The following PNPLA1 variants were observed in gnomAD, a reference collection of about 807,000 sequenced individuals.
PNPLA1 encodes the protein patatin like domain 1, omega-hydroxyceramide transacylase, also known as omega-hydroxyceramide transacylase.
PNPLA1 carries 36 observed loss-of-function variants against 51.7 expected under a neutral mutation model. The observed-to-expected ratio is 0.70, with a 90% CI of 0.53 to 0.92. PNPLA1 has a LOEUF of 0.92. PNPLA1 is among the 40% of genes least tolerant of loss of function. The pLI, the probability that PNPLA1 is intolerant of heterozygous loss-of-function variation, is 0.00. For missense variants in PNPLA1, 658 were observed against 682.5 expected, an observed-to-expected ratio of 0.96 and a Z score of 0.40; for synonymous variants, 293 against 280.1, an observed-to-expected ratio of 1.05 and a Z score of -0.46.
rs1329688003 is a variant in PNPLA1 at position 36,313,250 on chromosome 6, C to T, written c.*1364C>T. Among the ~76,000 whole-genome samples the T allele has an allele frequency of 6.6e-6, 1 of 152,134 alleles. No homozygotes were observed. The highest frequency in any genetic ancestry group is 2.4e-5 in the African/African-American group (1 of 41,418). ...TGTTCACACCTCAGTGAAAATGTTC[C>T]GTGAGGAGGACAACTTCAGCCTCAA... is the stretch of plus-strand genomic sequence containing the variant. On this transcript the variant is annotated 3_prime_UTR_variant, in exon 9 of 9. Transcript: ENST00000636260.
intron 1 of PNPLA1, among the ~76,000 whole-genome samples, chr6:36,260,178 C>T (rs1466036392): frequency 7.2e-5 from 11 of 151,958 alleles, no homozygotes; most frequent in Admixed American, 7.2e-4. Context: ...GTAGTCCTAG[C>T]TACTAGGAGG....
At chr6:36,248,873 A>G (rs1321596665) in intron 1 of PNPLA1, among the ~76,000 whole-genome samples, 1 of 152,218 alleles carries the variant, frequency 6.6e-6, no homozygotes, top group Non-Finnish European at 1.5e-5. Context: ...CCTATTGAGA[A>G]GAACTTCATC....
rs148922973 is a variant in PNPLA1 at position 36,302,025 on chromosome 6, T to G, written c.940T>G (p.Trp314Gly). 6.2e-7 allele frequency: 1 copy of G among 1,613,496 alleles called. No homozygotes were observed. The highest frequency in any genetic ancestry group is 8.5e-7 in the Non-Finnish European group (1 of 1,179,914). Residue 314 changes from tryptophan to glycine, a missense_variant, in exon 6 of 9, where the codon TGG becomes GGG. Coordinates refer to ENST00000636260, the MANE Select transcript of PNPLA1 (RefSeq NM_001374623.1). ...LEGATQPHKEWVPKGDGRGSH... is the reference protein window; with the variant it reads ...LEGATQPHKEGVPKGDGRGSH... Reference sequence around the variant, plus strand: ...AGGAGCCACACAACCTCACAAGGAGTGGGTTCCCAAAGGGGATGGAAGGGG... The same window carrying G: ...AGGAGCCACACAACCTCACAAGGAGGGGGTTCCCAAAGGGGATGGAAGGGG...
At chr6:36,310,520 C>G (rs1241580841) in intron 8 of PNPLA1, among the ~76,000 whole-genome samples, 2 of 152,154 alleles carry the variant, frequency 1.3e-5, no homozygotes, top group Non-Finnish European at 2.9e-5. Flanking sequence ...CATAAAAGAT[C>G]CTTTTCTTTG....
chr6:36,310,072 TAGTC>T (rs1771353643), intron 8 of PNPLA1, among the ~76,000 whole-genome samples: 1 of 152,210 alleles, frequency 6.6e-6, no homozygotes, highest in Admixed American at 6.5e-5. Flanking sequence ...CAAACTGTAT[TAGTC>T]AGTTGTTGCT....
rs1358671378 is a variant in PNPLA1 at position 36,270,607 on chromosome 6, G to T, written c.148G>T (p.Ala50Ser). 7 of 1,551,654 alleles carry T rather than the reference G, an allele frequency of 4.5e-6. No individual in the cohort carries two copies. Among genetic ancestry groups the T allele is most frequent in the Non-Finnish European group, 6.1e-6 (7 of 1,147,006 alleles). ...PRMLETAHRF[A>S]GTSAGAVIAA... is the part of the protein sequence containing the mutation. Reference sequence around the variant, plus strand: ...GATGCTGGAAACAGCCCACCGCTTTGCGGGGACATCGGCAGGTGCTGTGAT... The same window carrying T: ...GATGCTGGAAACAGCCCACCGCTTTTCGGGGACATCGGCAGGTGCTGTGAT... Residue 50 changes from alanine to serine, a missense_variant, in exon 1 of 9, where the codon GCG becomes TCG. Coordinates refer to ENST00000636260, the MANE Select transcript of PNPLA1 (RefSeq NM_001374623.1).
chr6:36,273,889 T>A lies in PNPLA1; in HGVS notation c.205+3225T>A, dbSNP rs1017485641. 2.0e-5 allele frequency among the ~76,000 whole-genome samples: 3 copies of A among 152,030 alleles called. 1 individual carries two copies. The highest frequency in any genetic ancestry group is 4.4e-5 in the Non-Finnish European group (3 of 68,000). On this transcript the variant is annotated intron_variant, in intron 1 of 8. Coordinates refer to ENST00000636260, the MANE Select transcript of PNPLA1 (RefSeq NM_001374623.1). ...GGAACTAAAACCTGTAAAAAGGACATCAAGCAGTGGGGTGTAATCAAGGAC... is the reference window on the plus strand; with the variant it reads ...GGAACTAAAACCTGTAAAAAGGACAACAAGCAGTGGGGTGTAATCAAGGAC...
intron 1 of PNPLA1, among the ~76,000 whole-genome samples, chr6:36,247,755 C>T (rs984910750): frequency 6.6e-6 from 1 of 152,176 alleles, no homozygotes; most frequent in Non-Finnish European, 1.5e-5. Context: ...TCCTAATTAG[C>T]TCCTTTTGGT....
intron 1 of PNPLA1, among the ~76,000 whole-genome samples, chr6:36,250,740 T>C (rs1288178735): frequency 1.3e-5 from 2 of 152,190 alleles, no homozygotes; most frequent in African/African-American, 4.8e-5. Flanking sequence ...GCTCACACTC[T>C]GTTGCCAGGC....
At position 36,302,174 on chromosome 6, in the gene PNPLA1, A is replaced by G. The variant is rs1260554034; in HGVS notation, c.1089A>G (p.Pro363=). The G allele has an allele frequency of 3.1e-6, 5 of 1,613,990 alleles. No individual in the cohort carries two copies. Among genetic ancestry groups the G allele is most frequent in the Middle Eastern group, 1.6e-4 (1 of 6,084 alleles). The change falls in exon 6 of 9, where the codon CCA becomes CCG. Residue 363 remains proline, a synonymous_variant. Transcript: ENST00000636260. The stretch of plus-strand genomic sequence containing the variant: ...CACAGCCACTGGCCTCTTCAACTCC[A>G]CTTTCTCTAAGTGGCATGCCACCTG... ...PPAQPLASST[P]LSLSGMPPVS...
chr6:36,253,066 G>C (rs1769457451), intron 1 of PNPLA1, among the ~76,000 whole-genome samples: 1 of 152,184 alleles, frequency 6.6e-6, no homozygotes, highest in South Asian at 2.1e-4. Flanking sequence ...TGTAGTCCCA[G>C]CTACTCGGGA....
At chr6:36,257,757 C>T (rs1769560839) in intron 1 of PNPLA1, among the ~76,000 whole-genome samples, 1 of 152,126 alleles carries the variant, frequency 6.6e-6, no homozygotes, top group Non-Finnish European at 1.5e-5. Context: ...AGGTTGGTCT[C>T]CATTGATTCC....
chr6:36,292,807 C>T (rs1391877326), intron 2 of PNPLA1, among the ~76,000 whole-genome samples: 1 of 152,202 alleles, frequency 6.6e-6, no homozygotes, highest in African/African-American at 2.4e-5. Flanking sequence ...AGAAGGAACC[C>T]CGAAGCTATG....
upstream of PNPLA1, among the ~76,000 whole-genome samples, chr6:36,268,616 C>G (rs965406473): frequency 6.6e-6 from 1 of 152,212 alleles, no homozygotes; most frequent in Non-Finnish European, 1.5e-5. Flanking sequence ...TGTTCCAGCC[C>G]ACACTGCTCA....
chr6:36,273,207 T>C (rs1769974524), intron 1 of PNPLA1, among the ~76,000 whole-genome samples: 2 of 151,392 alleles, frequency 1.3e-5, no homozygotes, highest in African/African-American at 2.4e-5. Flanking sequence ...GCTACTACAC[T>C]CCAGCCTGGG....
At chr6:36,249,288 T>C (rs1489899562) in intron 1 of PNPLA1, among the ~76,000 whole-genome samples, 1 of 152,186 alleles carries the variant, frequency 6.6e-6, no homozygotes, top group African/African-American at 2.4e-5. Flanking sequence ...AAAAATATTA[T>C]ACACACTGGA....
At chr6:36,245,075 A>G (rs973745849) in intron 1 of PNPLA1, among the ~76,000 whole-genome samples, 3 of 152,260 alleles carry the variant, frequency 2.0e-5, no homozygotes, top group African/African-American at 7.2e-5. Flanking sequence ...GGTGGATTCA[A>G]AGATCCTCTG....
upstream of PNPLA1, among the ~76,000 whole-genome samples, chr6:36,269,273 C>A (rs1478655824): frequency 6.6e-6 from 1 of 152,118 alleles, no homozygotes; most frequent in Non-Finnish European, 1.5e-5. Context: ...GAGACGCCAT[C>A]TTGCCTTCTT....
At chr6:36,271,382 G>T (rs551969394) in intron 1 of PNPLA1, among the ~76,000 whole-genome samples, 1 of 152,300 alleles carries the variant, frequency 6.6e-6, no homozygotes, top group South Asian at 2.1e-4. Flanking sequence ...CCTTGGAGGG[G>T]CATTTATTCA....
Sources: gnomAD v4.1 joint callset for allele counts (sites outside exome capture counted in the v4.1 genomes callset) on GRCh38, gnomAD v4.1.1 for gene constraint, MANE v1.5 for transcripts, NCBI Gene and HGNC (gene_info 2026-07-23, HGNC 2026-07-21) for gene names.